GGCT: variants seen among roughly 807,000 people sequenced by gnomAD.
The protein encoded by GGCT is cytochrome c-releasing factor 21.
Under a neutral mutation model 22.1 loss-of-function variants are expected in GGCT, and 20 were observed. The ratio of observed to expected loss-of-function variants is 0.91; its 90% confidence interval spans 0.64 to 1.32. The LOEUF is 1.32. Ranked by LOEUF, GGCT falls within the 40% of genes most tolerant of loss-of-function variation. The pLI, the probability that GGCT is intolerant of heterozygous loss-of-function variation, is 0.00. For synonymous variants in GGCT, 72 were observed against 78.4 expected (o/e 0.92, Z 0.43); for missense variants, 209 against 223.5 (o/e 0.94, Z 0.41).
rs745316624 is a variant in GGCT, at chr7:30,504,606, T to C, written c.104A>G (p.Asn35Ser). 4.3e-6 allele frequency: 7 copies of C among 1,613,678 alleles called. No homozygotes were observed. The African/African-American group carries it at 6.7e-5, about 15-fold the overall frequency. ...CACACAGAAGAACGCCGCCGAGGGGTTTCGGAGGTGGATCCTCTCTGTCAG... is the reference window on the plus strand; with the variant it reads ...CACACAGAAGAACGCCGCCGAGGGGCTTCGGAGGTGGATCCTCTCTGTCAG... ...NLLTERIHLRNPSAAFFCVAR... is the reference protein window; with the variant it reads ...NLLTERIHLRSPSAAFFCVAR... Residue 35 changes from asparagine (N) to serine (S), a missense_variant, in exon 1 of 4, where the codon AAC becomes AGC. Coordinates refer to ENST00000275428, the MANE Select transcript of GGCT (RefSeq NM_024051.4).
chr7:30,501,100 G>A (rs1352115512), intron 1 of GGCT, among the ~76,000 whole-genome samples: 2 of 152,128 alleles, frequency 1.3e-5, no homozygotes, highest in Non-Finnish European at 2.9e-5. Context: ...TTTTATGTCT[G>A]TAGAGTATCC....
intron 1 of GGCT, among the ~76,000 whole-genome samples, chr7:30,503,230 T>C (rs1386381492): frequency 6.6e-6 from 1 of 152,220 alleles, no homozygotes. Flanking sequence ...CTTTTTAAGA[T>C]GGACCATATA....
At chr7:30,503,237 T>C (rs1789743602) in intron 1 of GGCT, among the ~76,000 whole-genome samples, 1 of 152,218 alleles carries the variant, frequency 6.6e-6, no homozygotes, top group South Asian at 2.1e-4. Flanking sequence ...AGATGGACCA[T>C]ATACCTGTAA....
At chr7:30,499,641 G>A (rs1431636019) in intron 2 of GGCT, among the ~76,000 whole-genome samples, 3 of 151,988 alleles carry the variant, frequency 2.0e-5, no homozygotes, top group African/African-American at 7.2e-5. Flanking sequence ...GAACCCGGGA[G>A]GCAGAGGTTG....
chr7:30,499,240 T>C (rs1421470988), intron 2 of GGCT, among the ~76,000 whole-genome samples: 1 of 151,608 alleles, frequency 6.6e-6, no homozygotes, highest in Non-Finnish European at 1.5e-5. Flanking sequence ...AAACGCCATC[T>C]CCACTAAAAT....
chr7:30,504,445 C>G, intron 1 of GGCT, 124 bp downstream of exon 1: 1 of 1,144,876 alleles, frequency 8.7e-7, no homozygotes, highest in Non-Finnish European at 1.2e-6. Context: ...GAGGCGGAAG[C>G]CGCGTCCTAG....
At position 30,500,614 on chromosome 7, in the gene GGCT, G is replaced by A; in HGVS notation, c.209C>T (p.Thr70Ile). The A allele has an allele frequency of 6.2e-7, 1 of 1,613,658 alleles. No homozygotes were observed. The highest frequency in any genetic ancestry group is 1.3e-5 in the African/African-American group (1 of 75,030). ...TSQTWHGGIA[T>I]IFQSPGDEVW... ...TTCATCGCCAGGACTCTGAAAAATG[G>A]TGGCTATCCCTCCATGCCAAGTTTG... The change falls in exon 2 of 4, where the codon ACC becomes ATC. Residue 70 changes from threonine (T) to isoleucine (I), a missense_variant. Thr to Ile is a moderately conservative substitution (Grantham distance 89). Transcript: ENST00000275428.
rs753074588 is a variant in GGCT at position 30,497,659 on chromosome 7, G to A, written c.424-424C>T. The A allele has an allele frequency of 8.6e-5, 61 of 708,528 alleles. No individual in the cohort carries two copies. The South Asian group carries it at 9.2e-4, about 11-fold the overall frequency. The allele number at this position is 708,528 out of a possible 1,614,324, so 43.9% of individuals were successfully genotyped here. On this transcript the variant is annotated intron_variant, in intron 3 of 3. Transcript: ENST00000275428. Reference sequence around the variant, plus strand: ...GGAATAAATGGCAACTGTGTTTAGCGGTACTTTCATAATCTATACCAGGCT... The same window carrying A: ...GGAATAAATGGCAACTGTGTTTAGCAGTACTTTCATAATCTATACCAGGCT...
At position 30,504,596 on chromosome 7, in the gene GGCT, C is replaced by T. The variant is rs1789785943; in HGVS notation, c.114G>A (p.Ala38=). ...GCAGGCGGGCCACACAGAAGAACGCCGCCGAGGGGTTTCGGAGGTGGATCC... is the reference window on the plus strand; with the variant it reads ...GCAGGCGGGCCACACAGAAGAACGCTGCCGAGGGGTTTCGGAGGTGGATCC... ...TERIHLRNPS[A]AFFCVARLQD... Residue 38 remains alanine, a synonymous_variant, in exon 1 of 4, where the codon GCG becomes GCA. Transcript: ENST00000275428. The T allele has an allele frequency of 6.2e-7, 1 of 1,613,926 alleles. No homozygotes were observed. The highest frequency in any genetic ancestry group is 1.3e-5 in the African/African-American group (1 of 75,074).
intron 3 of GGCT, 69 bp downstream of exon 3, chr7:30,498,734 A>G: frequency 7.2e-7 from 1 of 1,396,578 alleles, no homozygotes; most frequent in South Asian, 1.3e-5. Context: ...TCTTTTAAAA[A>G]CAATATATTC....
chr7:30,503,034 G>A (rs375772251), intron 1 of GGCT, among the ~76,000 whole-genome samples: 1 of 152,176 alleles, frequency 6.6e-6, no homozygotes, highest in East Asian at 1.9e-4. Context: ...CACACTGACT[G>A]AAAGATCCAG....
chr7:30,504,781 C>G lies in GGCT; in HGVS notation c.-72G>C, dbSNP rs1490592462. ...CGGCCAGAGAGCGCAACACTGGGGCCCACTACCCCGGCGCAGTGACCGCCG... is the reference window on the plus strand; with the variant it reads ...CGGCCAGAGAGCGCAACACTGGGGCGCACTACCCCGGCGCAGTGACCGCCG... On this transcript the variant is annotated 5_prime_UTR_variant, in exon 1 of 4. Transcript: ENST00000275428. The G allele has an allele frequency of 1.3e-6, 2 of 1,490,898 alleles. No homozygotes were observed. The highest frequency in any genetic ancestry group is 2.8e-5 in the African/African-American group (2 of 72,648). 92.4% of individuals were successfully genotyped at this position (1,490,898 alleles called of 1,614,324 possible). A position where few individuals can be genotyped will look rare whatever the true frequency, so the allele number is the denominator to read the frequency against.
At chr7:30,497,658 C>T (rs1019547354) in intron 3 of GGCT, 61 of 701,232 alleles carry the variant, frequency 8.7e-5, no homozygotes, top group African/African-American at 3.1e-4. Context: ...CTGTGTTTAG[C>T]GGTACTTTCA....
chr7:30,498,055 A>G (rs1789599472), intron 3 of GGCT, among the ~76,000 whole-genome samples: 1 of 147,920 alleles, frequency 6.8e-6, no homozygotes, highest in Admixed American at 6.8e-5. Flanking sequence ...ATATATACAT[A>G]TATGTATATA....
At chr7:30,499,675 G>A (rs1454667250) in intron 2 of GGCT, among the ~76,000 whole-genome samples, 2 of 151,658 alleles carry the variant, frequency 1.3e-5, no homozygotes, top group African/African-American at 4.8e-5. Context: ...TCACGCCATT[G>A]CACTCTAGCC....
Position 30,504,610 on chromosome 7 carries a change from G to A in GGCT, c.100C>T (p.Arg34Ter), listed in dbSNP as rs1372639147. The change falls in exon 1 of 4, where the codon CGA becomes TGA. Residue 34 changes from arginine (R) to a stop codon, truncating the protein, a stop_gained. Coordinates refer to ENST00000275428, the MANE Select transcript of GGCT (RefSeq NM_024051.4). LOFTEE classifies it high-confidence loss of function. ...SNLLTERIHL[R>*]NPSAAFFCVA... ...CAGAAGAACGCCGCCGAGGGGTTTC[G>A]GAGGTGGATCCTCTCTGTCAGCAGG... is the stretch of plus-strand genomic sequence containing the variant. 3 of 1,613,984 alleles carry A rather than the reference G, an allele frequency of 1.9e-6. No individual in the cohort carries two copies. The highest frequency in any genetic ancestry group is 2.2e-5 in the South Asian group (2 of 91,094).
At chr7:30,498,621 G>A (rs754269998) in intron 3 of GGCT, among the ~76,000 whole-genome samples, 182 bp downstream of exon 3, 4 of 152,134 alleles carry the variant, frequency 2.6e-5, no homozygotes, top group Admixed American at 6.5e-5. Flanking sequence ...GTTTCACCAC[G>A]TTGGCTAGGC....
rs1302723597 is a variant in GGCT, at chr7:30,497,778, A to C, written c.424-543T>G. ...CCATGACCTGATTGGGCCTGCCAAC[A>C]GAGAGCTAAGCTTAGGTTCTGAACA... On this transcript the variant is annotated intron_variant, in intron 3 of 3. Coordinates refer to ENST00000275428, the MANE Select transcript of GGCT (RefSeq NM_024051.4). 6 of 1,454,030 alleles carry C rather than the reference A, an allele frequency of 4.1e-6. No homozygotes were observed. The Admixed American group carries it at 1.3e-4, about 32-fold the overall frequency. The allele number at this position is 1,454,030 out of a possible 1,614,324, so 90.1% of individuals were successfully genotyped here. A position where few individuals can be genotyped will look rare whatever the true frequency, so the allele number is the denominator to read the frequency against.
chr7:30,501,073 T>C lies in GGCT; in HGVS notation c.142-392A>G, dbSNP rs114073683. ...AGCTGGGTGATGGCTACATGTGGGT[T>C]ATAATATTCTCTCTCCTTTTATGTC... On this transcript the variant is annotated intron_variant, in intron 1 of 3. Coordinates refer to ENST00000275428, the MANE Select transcript of GGCT (RefSeq NM_024051.4). Among the ~76,000 whole-genome samples the C allele has an allele frequency of 4.6e-3, 695 of 152,330 alleles. 8 individuals are homozygous for C. The highest frequency in any genetic ancestry group is 0.016 in the African/African-American group (663 of 41,570).
Sources: allele counts gnomAD v4.1 joint callset (sites outside exome capture counted in the v4.1 genomes callset), GRCh38; gene constraint gnomAD v4.1.1; transcripts MANE v1.5; gene names NCBI Gene and HGNC (gene_info 2026-07-23, HGNC 2026-07-21).